RSU1: variants seen among roughly 807,000 people sequenced by gnomAD.
The protein encoded by RSU1 is Ras suppressor protein 1, also known as rsu-1.
A neutral mutation model predicts 31.1 loss-of-function variants in RSU1; 26 were observed. The observed-to-expected ratio is 0.84, with a 90% CI of 0.61 to 1.16. The LOEUF is 1.16. RSU1 is among the 50% of genes most tolerant of loss of function. The pLI, the probability that RSU1 is intolerant of heterozygous loss-of-function variation, is 0.00. For missense variants in RSU1, 320 were observed against 339.1 expected (o/e 0.94, Z 0.44); for synonymous variants, 164 against 136.3 (o/e 1.20, Z -1.41).
rs1201244921 is a variant in RSU1 at position 16,595,810 on chromosome 10, A to AAAAAAAAAAAAAAG, written c.732-2315_732-2314insCTTTTTTTTTTTTT. Reference sequence around the variant, plus strand: ...GGTGAAACCCCATCTCTACTAAAAAAAAGAAAAAATTAGCTGCGCATAGTG... The same window carrying AAAAAAAAAAAAAAG: ...GGTGAAACCCCATCTCTACTAAAAAAAAAAAAAAAAAAAGAAGAAAAAATTAGCTGCGCATAGTG... On this transcript the variant is annotated intron_variant, in intron 8 of 8. Transcript: ENST00000345264. Among the ~76,000 whole-genome samples, 924 of 151,814 alleles carry AAAAAAAAAAAAAAG rather than the reference A, an allele frequency of 6.1e-3. 10 individuals carry two copies. The highest frequency in any genetic ancestry group is 0.021 in the African/African-American group (879 of 41,164).
chr10:16,756,320 T>C (rs957382931), intron 4 of RSU1, among the ~76,000 whole-genome samples: 3 of 152,196 alleles, frequency 2.0e-5, no homozygotes, highest in Non-Finnish European at 4.4e-5. Context: ...ACGGTACATT[T>C]TGTGTGCATT....
At chr10:16,719,959 C>T (rs1836221493) in intron 7 of RSU1, among the ~76,000 whole-genome samples, 2 of 152,160 alleles carry the variant, frequency 1.3e-5, no homozygotes, top group African/African-American at 2.4e-5. Flanking sequence ...CTCAAAGGAA[C>T]CTGCAAATTG....
intron 8 of RSU1, among the ~76,000 whole-genome samples, chr10:16,625,900 T>A (rs12262578): frequency 0.031 from 4,729 of 152,222 alleles, 251 homozygotes; most frequent in African/African-American, 0.11. Context: ...AGGCTTCCTG[T>A]TTGTGAAAAG....
At chr10:16,652,220 G>A (rs1434203530) in intron 8 of RSU1, among the ~76,000 whole-genome samples, 1 of 151,988 alleles carries the variant, frequency 6.6e-6, no homozygotes, top group Non-Finnish European at 1.5e-5. Context: ...ATGCTAGGAA[G>A]ATAATAAACA....
At chr10:16,729,014 T>C (rs1836451411) in intron 7 of RSU1, among the ~76,000 whole-genome samples, 1 of 152,230 alleles carries the variant, frequency 6.6e-6, no homozygotes. Context: ...CCACTGTTTG[T>C]GCTCATTGTT....
intron 5 of RSU1, among the ~76,000 whole-genome samples, chr10:16,753,626 A>C (rs1245553451): frequency 6.6e-6 from 1 of 152,224 alleles, no homozygotes; most frequent in Non-Finnish European, 1.5e-5. Flanking sequence ...ATCCTAACTT[A>C]AGGAGAATAT....
chr10:16,766,245 G>C (rs181665252), intron 3 of RSU1, among the ~76,000 whole-genome samples: 1 of 152,214 alleles, frequency 6.6e-6, no homozygotes, highest in Non-Finnish European at 1.5e-5. Context: ...AGTTTTCATC[G>C]GGTAATCTAG....
chr10:16,647,282 C>T (rs1268575165), intron 8 of RSU1, among the ~76,000 whole-genome samples: 1 of 152,162 alleles, frequency 6.6e-6, no homozygotes, highest in Non-Finnish European at 1.5e-5. Flanking sequence ...CGTACTGGAA[C>T]TTTCACACAT....
chr10:16,722,153 A>T (rs1836277956), intron 7 of RSU1, among the ~76,000 whole-genome samples: 1 of 152,118 alleles, frequency 6.6e-6, no homozygotes, highest in African/African-American at 2.4e-5. Flanking sequence ...GATCTATTTG[A>T]TTATTATTGT....
chr10:16,702,179 T>G (rs1835805890), intron 7 of RSU1, among the ~76,000 whole-genome samples: 1 of 152,178 alleles, frequency 6.6e-6, no homozygotes, highest in African/African-American at 2.4e-5. Flanking sequence ...TCAGAGAATG[T>G]AGGGAAAAGC....
intron 8 of RSU1, among the ~76,000 whole-genome samples, chr10:16,610,758 C>T (rs1274410725): frequency 6.6e-6 from 1 of 152,096 alleles, no homozygotes. Context: ...CTTGACACAT[C>T]CCAAAACCAT....
rs970184703 is a variant in RSU1, at chr10:16,658,803, A to C, written c.731+36220T>G. Among the ~76,000 whole-genome samples, 5 of 152,318 alleles carry C rather than the reference A, an allele frequency of 3.3e-5. 1 individual carries two copies. Among genetic ancestry groups the C allele is most frequent in the East Asian group, 3.9e-4 (2 of 5,190 alleles). ...ATTTTTGTTAAATCAGCTTCTTCTT[A>C]TGTTTGATAAAACCCTAGAGAACTT... On this transcript the variant is annotated intron_variant, in intron 8 of 8. Coordinates refer to ENST00000345264, the MANE Select transcript of RSU1 (RefSeq NM_012425.4).
chr10:16,692,676 T>C (rs952425967), intron 8 of RSU1, among the ~76,000 whole-genome samples: 1 of 152,202 alleles, frequency 6.6e-6, no homozygotes, highest in African/African-American at 2.4e-5. Context: ...TTTGTGACTA[T>C]ATTTTCACAC....
intron 8 of RSU1, among the ~76,000 whole-genome samples, chr10:16,654,145 C>T (rs557321788): frequency 3.3e-5 from 5 of 151,502 alleles, no homozygotes; most frequent in East Asian, 2.0e-4. Context: ...TGGGATTACA[C>T]GCGCACACCA....
rs966766606 is a variant in RSU1, at chr10:16,591,289, G to A, written c.*2105C>T. 6.6e-6 allele frequency: 1 copy of A among 152,124 alleles called. No homozygotes were observed. Among genetic ancestry groups the A allele is most frequent in the Non-Finnish European group, 1.5e-5 (1 of 68,036 alleles). The allele number at this position is 152,124 out of a possible 1,614,324, so 9.4% of individuals were successfully genotyped here. On this transcript the variant is annotated 3_prime_UTR_variant, in exon 9 of 9. Transcript: ENST00000345264. The stretch of plus-strand genomic sequence containing the variant: ...TCATTGAACCCCTTTTCCACTGACA[G>A]GGATCAGGCTTTTCTCTGTTTTTCT...
At chr10:16,812,339 G>A (rs1443462653) in intron 2 of RSU1, among the ~76,000 whole-genome samples, 1 of 152,224 alleles carries the variant, frequency 6.6e-6, no homozygotes, top group East Asian at 1.9e-4. Flanking sequence ...TTACTGGGGA[G>A]GCTGAGGCAG....
chr10:16,693,648 A>C (rs1291164912), intron 8 of RSU1, among the ~76,000 whole-genome samples: 1 of 151,810 alleles, frequency 6.6e-6, no homozygotes, highest in Non-Finnish European at 1.5e-5. Flanking sequence ...ATTGCTTGAC[A>C]CCAGGAGTTT....
rs1661631768 is a variant in RSU1, at chr10:16,635,238, A to T, written c.732-41742T>A. ...CTCCTGATGCAGCAATGAGAAGAGA[A>T]ACTTCAATTTTCTTGAGTTATCACC... On this transcript the variant is annotated intron_variant, in intron 8 of 8. Coordinates refer to ENST00000345264, the MANE Select transcript of RSU1 (RefSeq NM_012425.4). 2.0e-5 allele frequency among the ~76,000 whole-genome samples: 3 copies of T among 152,356 alleles called. No homozygotes were observed. The South Asian group carries it at 6.2e-4, about 32-fold the overall frequency.
intron 7 of RSU1, among the ~76,000 whole-genome samples, chr10:16,743,696 A>G (rs1298261774): frequency 6.6e-6 from 1 of 152,226 alleles, no homozygotes; most frequent in Non-Finnish European, 1.5e-5. Context: ...TGTTAACAAC[A>G]TAAAGCTGCC....
Sources: gnomAD v4.1 joint callset for allele counts (sites outside exome capture counted in the v4.1 genomes callset) on GRCh38, gnomAD v4.1.1 for gene constraint, MANE v1.5 for transcripts, NCBI Gene and HGNC (gene_info 2026-07-23, HGNC 2026-07-21) for gene names.